ANK3: variants seen among roughly 807,000 people sequenced by gnomAD.
The protein encoded by ANK3 is ankyrin-3.
ANK3 carries 57 observed loss-of-function variants against 370.9 expected under a neutral mutation model. That is an observed-to-expected ratio of 0.15 (90% CI 0.12 to 0.19). The LOEUF is 0.19. Among genes scored for constraint, ANK3 ranks in the 10% least tolerant of loss-of-function variants. The pLI, the probability that ANK3 is intolerant of heterozygous loss-of-function variation, is 1.00. For synonymous variants in ANK3, 1,929 were observed against 1,946.3 expected (o/e 0.99, Z 0.23); for missense variants, 4,439 against 5,302.1 (o/e 0.84, Z 5.06).
At chr10:60,104,656 C>G (rs1002604834) in intron 28 of ANK3, among the ~76,000 whole-genome samples, 2 of 152,156 alleles carry the variant, frequency 1.3e-5, no homozygotes, top group African/African-American at 4.8e-5. Context: ...ATGCTAGACA[C>G]TCAACAATTA....
At chr10:60,115,048 C>T (rs535714330) in intron 25 of ANK3, among the ~76,000 whole-genome samples, 1 of 152,302 alleles carries the variant, frequency 6.6e-6, no homozygotes, top group East Asian at 1.9e-4. Flanking sequence ...CTGCTAAGAA[C>T]ATTTGCTGAA....
intron 1 of ANK3, among the ~76,000 whole-genome samples, chr10:60,690,562 A>G (rs1200721460): frequency 1.3e-5 from 2 of 152,178 alleles, no homozygotes; most frequent in Non-Finnish European, 2.9e-5. Flanking sequence ...TACTTTTATG[A>G]AACATAAATT....
At chr10:60,317,368 C>CTGGATT (rs1224880824) in intron 1 of ANK3, among the ~76,000 whole-genome samples, 5 of 151,972 alleles carry the variant, frequency 3.3e-5, no homozygotes, top group African/African-American at 1.2e-4. Context: ...CAAGCTATCC[C>CTGGATT]TGGCTTTGGC....
chr10:60,348,656 G>C (rs1490367025), intron 1 of ANK3, among the ~76,000 whole-genome samples: 2 of 152,276 alleles, frequency 1.3e-5, no homozygotes, highest in East Asian at 1.9e-4. Context: ...CTTGTATTTG[G>C]TAGCGGCTAA....
intron 28 of ANK3, among the ~76,000 whole-genome samples, chr10:60,097,335 T>C (rs1489647180): frequency 6.6e-6 from 1 of 152,176 alleles, no homozygotes; most frequent in African/African-American, 2.4e-5. Flanking sequence ...GATAAACGGA[T>C]GAGTAATGAA....
intron 2 of ANK3, among the ~76,000 whole-genome samples, chr10:60,428,503 A>G (rs1030564674): frequency 2.6e-5 from 4 of 152,180 alleles, no homozygotes; most frequent in Non-Finnish European, 4.4e-5. Flanking sequence ...AAGTGACTTG[A>G]TTGCTTCATC....
chr10:60,410,397 G>C (rs558631854), intron 2 of ANK3, among the ~76,000 whole-genome samples: 1 of 152,258 alleles, frequency 6.6e-6, no homozygotes, highest in South Asian at 2.1e-4. Context: ...GTTTTTCTTT[G>C]CTAATGTGTT....
At chr10:60,317,207 G>A (rs1011930399) in intron 1 of ANK3, among the ~76,000 whole-genome samples, 11 of 151,922 alleles carry the variant, frequency 7.2e-5, no homozygotes, top group African/African-American at 1.7e-4. Context: ...GTGGTGCGAT[G>A]TCTGCCTCCT....
At chr10:60,033,501 C>T (rs549555022) in intron 43 of ANK3, among the ~76,000 whole-genome samples, 6 of 108,876 alleles carry the variant, frequency 5.5e-5, no homozygotes, top group Admixed American at 2.7e-4. Context: ...GACAACATAG[C>T]GAGACTCAGT....
intron 4 of ANK3, 93 bp from the exon 5 acceptor site, chr10:60,270,322 A>G: frequency 3.2e-6 from 2 of 632,856 alleles, no homozygotes; most frequent in Non-Finnish European, 4.9e-6. Context: ...AGAAGTGCTC[A>G]CATACAATAA....
intron 2 of ANK3, among the ~76,000 whole-genome samples, chr10:60,397,872 C>T (rs767316327): frequency 2.0e-5 from 3 of 152,132 alleles, no homozygotes; most frequent in Non-Finnish European, 4.4e-5. Flanking sequence ...AAATACAACT[C>T]GAGAACAATT....
intron 2 of ANK3, among the ~76,000 whole-genome samples, chr10:60,600,861 C>T (rs759444887): frequency 2.1e-4 from 32 of 151,996 alleles, no homozygotes; most frequent in Non-Finnish European, 2.9e-4. Flanking sequence ...TTCTCATCTA[C>T]GAATATAGAT....
In ANK3 at chr10:60,364,544, G is replaced by C. The variant is rs541332776; in HGVS notation, c.114+24881C>G. On this transcript the variant is annotated intron_variant, in intron 1 of 43. Transcript: ENST00000280772. ...AACATCACACACTGGGGCCTGTTGG[G>C]GGGTGGGAGGCTACGGGTGGGATAG... Among the ~76,000 whole-genome samples, 21 of 152,136 alleles carry C rather than the reference G, an allele frequency of 1.4e-4. No individual in the cohort carries two copies. In the East Asian group the frequency reaches 3.7e-3, roughly 27 times the overall value.
At chr10:60,303,153 G>A (rs1240050889) in intron 1 of ANK3, among the ~76,000 whole-genome samples, 1 of 152,152 alleles carries the variant, frequency 6.6e-6, no homozygotes, top group Middle Eastern at 3.2e-3. Context: ...TCTGGGCAAT[G>A]ATTTTTTGCA....
intron 2 of ANK3, among the ~76,000 whole-genome samples, chr10:60,467,597 T>C (rs1169417848): frequency 1.3e-5 from 2 of 152,344 alleles, no homozygotes; most frequent in South Asian, 2.1e-4. Flanking sequence ...TATGAAAACA[T>C]CTTTCACCTA....
intron 12 of ANK3, 32 bp downstream of exon 12, chr10:60,202,970 C>T: frequency 6.7e-7 from 1 of 1,502,956 alleles, no homozygotes; most frequent in Non-Finnish European, 9.2e-7. Context: ...TAAATACTCA[C>T]AATGGACCTC....
intron 2 of ANK3, among the ~76,000 whole-genome samples, chr10:60,492,503 C>T (rs999637268): frequency 1.3e-5 from 2 of 151,198 alleles, no homozygotes; most frequent in South Asian, 4.2e-4. Context: ...GTCAGGAGAT[C>T]GAGACTATCC....
intron 23 of ANK3, among the ~76,000 whole-genome samples, chr10:60,153,407 G>C (rs1037357031): frequency 1.3e-5 from 2 of 152,154 alleles, no homozygotes; most frequent in African/African-American, 4.8e-5. Flanking sequence ...AGAGAGATTT[G>C]AGATGTATTC....
chr10:60,243,716 A>G (rs917730414), intron 7 of ANK3, among the ~76,000 whole-genome samples: 8 of 152,220 alleles, frequency 5.3e-5, no homozygotes, highest in East Asian at 1.9e-4. Flanking sequence ...TACTTATTAT[A>G]CAGACATTTA....
Sources: gnomAD v4.1 joint callset for allele counts (sites outside exome capture counted in the v4.1 genomes callset) on GRCh38, gnomAD v4.1.1 for gene constraint, MANE v1.5 for transcripts, NCBI Gene and HGNC (gene_info 2026-07-23, HGNC 2026-07-21) for gene names.